The following PROM1 variants were observed in gnomAD, a reference collection of about 807,000 sequenced individuals.
The protein encoded by PROM1 is prominin-1.
PROM1 carries 105 observed loss-of-function variants against 116.9 expected under a neutral mutation model. That is an observed-to-expected ratio of 0.90 (90% CI 0.77 to 1.06). The LOEUF is 1.06. Among genes scored for constraint, PROM1 ranks in the 50% least tolerant of loss-of-function variants. PROM1 has a pLI of 0.00. For missense variants in PROM1, 1,122 were observed against 1,045.2 expected (o/e 1.07, Z -1.01); for synonymous variants, 393 against 387.0 (o/e 1.02, Z -0.18).
At chr4:16,066,990 G>T (rs1050390098) in intron 2 of PROM1, among the ~76,000 whole-genome samples, 1 of 152,214 alleles carries the variant, frequency 6.6e-6, no homozygotes, top group Non-Finnish European at 1.5e-5. Context: ...AAGTCTACAG[G>T]ATGAGTTTTT....
At chr4:16,024,472 C>T in intron 6 of PROM1, 114 bp from the exon 7 acceptor site, 1 of 802,500 alleles carries the variant, frequency 1.2e-6, no homozygotes, top group Non-Finnish European at 1.9e-6. Flanking sequence ...TTCAGGTAAC[C>T]AGCAAGTTCC....
chr4:15,979,424 T>C lies in PROM1; in HGVS notation c.2553A>G (p.Val851=), dbSNP rs760109948. ...TCATAACAGGATTGTGAATACCATA[T>C]ACATGATCTTTATGATAACCATTAT... The part of the protein sequence containing the change: ...NGNNGYHKDH[V]YGIHNPVMTS... Residue 851 remains valine (V), a synonymous_variant, in exon 26 of 28, where the codon GTA becomes GTG. Transcript: ENST00000447510. 5.6e-6 allele frequency: 9 copies of C among 1,613,224 alleles called. No homozygotes were observed. The highest frequency in any genetic ancestry group is 1.1e-5 in the South Asian group (1 of 90,958).
intron 4 of PROM1, 90 bp from the exon 5 acceptor site, chr4:16,033,599 T>C: frequency 8.4e-7 from 1 of 1,192,116 alleles, no homozygotes; most frequent in Admixed American, 3.0e-5. Flanking sequence ...TTTTTTTTTT[T>C]TTTTTTTTGA....
At chr4:16,057,825 C>T (rs749887918) in intron 2 of PROM1, among the ~76,000 whole-genome samples, 2 of 152,090 alleles carry the variant, frequency 1.3e-5, no homozygotes, top group Non-Finnish European at 2.9e-5. Flanking sequence ...AGCCCGGGGA[C>T]CTAAGAGGAA....
At chr4:16,053,118 G>A (rs1479335269) in intron 2 of PROM1, among the ~76,000 whole-genome samples, 1 of 152,222 alleles carries the variant, frequency 6.6e-6, no homozygotes, top group Non-Finnish European at 1.5e-5. Flanking sequence ...TTTGCATGTG[G>A]TTATGTAAGA....
chr4:16,061,888 CTTTTTTTTT>C (rs34310500), intron 2 of PROM1, among the ~76,000 whole-genome samples: 4 of 85,732 alleles, frequency 4.7e-5, no homozygotes, highest in African/African-American at 1.8e-4. Flanking sequence ...TACAAATTTC[CTTTTTTTTT>C]TTTTTTTTTT....
intron 5 of PROM1, among the ~76,000 whole-genome samples, chr4:16,028,647 A>T (rs1731962144): frequency 6.6e-6 from 1 of 151,948 alleles, no homozygotes; most frequent in African/African-American, 2.4e-5. Flanking sequence ...AGCAAAAAAA[A>T]GGTATGTGAA....
chr4:15,971,132 G>A (rs1714443643), intron 26 of PROM1, 50 bp from the exon 27 acceptor site: 1 of 1,503,598 alleles, frequency 6.7e-7, no homozygotes, highest in Non-Finnish European at 9.0e-7. Context: ...AAAGCTGTGG[G>A]TGGTTTCATC....
At chr4:16,014,358 T>A (rs1227743178) in intron 10 of PROM1, among the ~76,000 whole-genome samples, 1 of 152,242 alleles carries the variant, frequency 6.6e-6, no homozygotes, top group Non-Finnish European at 1.5e-5. Context: ...TTGACATTCA[T>A]CTGTGTCTGG....
intron 5 of PROM1, among the ~76,000 whole-genome samples, chr4:16,026,003 C>A (rs953732104): frequency 6.6e-6 from 1 of 152,144 alleles, no homozygotes; most frequent in Non-Finnish European, 1.5e-5. Flanking sequence ...ATGCCCAGAG[C>A]AGGGGTAGAA....
At chr4:16,073,155 C>T (rs113941022) in intron 2 of PROM1, among the ~76,000 whole-genome samples, 1 of 152,152 alleles carries the variant, frequency 6.6e-6, no homozygotes, top group Non-Finnish European at 1.5e-5. Flanking sequence ...ATCTGGCCAG[C>T]AGGCACGAAG....
intron 5 of PROM1, among the ~76,000 whole-genome samples, chr4:16,033,011 G>A (rs1400771): frequency 0.66 from 100,176 of 152,000 alleles, 33,909 homozygotes; most frequent in Middle Eastern, 0.79. Context: ...TGGGAGGTAA[G>A]TCCTTTCTGC....
intron 10 of PROM1, among the ~76,000 whole-genome samples, chr4:16,015,473 T>A (rs1353259417): frequency 6.6e-6 from 1 of 151,556 alleles, no homozygotes; most frequent in African/African-American, 2.4e-5. Flanking sequence ...GCAGATCACT[T>A]GAGGTCAGGA....
chr4:15,969,576 T>A (rs975088820), intron 27 of PROM1, among the ~76,000 whole-genome samples: 7 of 152,162 alleles, frequency 4.6e-5, no homozygotes, highest in Non-Finnish European at 1.0e-4. Context: ...TTTTTGTTTA[T>A]TTATCTTATT....
chr4:16,019,688 T>A (rs1400776), intron 8 of PROM1, among the ~76,000 whole-genome samples: 136,785 of 152,192 alleles, frequency 0.9, 61,795 homozygotes, highest in Middle Eastern at 0.95. Context: ...ATTAGAGGGC[T>A]TTGCTCTTCT....
chr4:16,018,425 T>A lies in PROM1; in HGVS notation c.900A>T (p.Ser300=), dbSNP rs770968078. 59 of 1,613,782 alleles carry A rather than the reference T, an allele frequency of 3.7e-5. No individual in the cohort carries two copies. The highest frequency in any genetic ancestry group is 5.0e-5 in the Non-Finnish European group (59 of 1,179,904). ...SLTSVKTSLR[S]SLNDPLCLVH... ...CCAAGCACAGAGGGTCATTGAGAGATGACCGCAGGCTAGTTTTCACGCTGG... is the reference window on the plus strand; with the variant it reads ...CCAAGCACAGAGGGTCATTGAGAGAAGACCGCAGGCTAGTTTTCACGCTGG... The change falls in exon 9 of 28, where the codon TCA becomes TCT. Residue 300 remains serine (S), a synonymous_variant. Transcript: ENST00000447510.
Position 16,033,291 on chromosome 4 carries a change from A to G in PROM1, c.509+13T>C, listed in dbSNP as rs370170367. The G allele has an allele frequency of 8.1e-6, 13 of 1,599,820 alleles. No homozygotes were observed. The African/African-American group carries it at 1.7e-4, about 21-fold the overall frequency. ...CTAAAACACAATCAGTTGTTGTCCA[A>G]TATTGTACTTGCCTTATTATTATAC... On this transcript the variant is annotated intron_variant, in intron 5 of 27. Transcript: ENST00000447510.
intron 2 of PROM1, among the ~76,000 whole-genome samples, chr4:16,051,218 G>A (rs951579978): frequency 6.6e-6 from 1 of 152,214 alleles, no homozygotes; most frequent in Non-Finnish European, 1.5e-5. Context: ...ACAGGCTGAA[G>A]GAAATGCAAG....
At chr4:16,028,923 T>C (rs942745207) in intron 5 of PROM1, among the ~76,000 whole-genome samples, 13 of 152,214 alleles carry the variant, frequency 8.5e-5, no homozygotes, top group African/African-American at 3.1e-4. Flanking sequence ...TTCTCACATA[T>C]ACACTTACAA....
Sources: allele counts gnomAD v4.1 joint callset (sites outside exome capture counted in the v4.1 genomes callset), GRCh38; gene constraint gnomAD v4.1.1; transcripts MANE v1.5; gene names NCBI Gene and HGNC (gene_info 2026-07-23, HGNC 2026-07-21).